Variants in MITF observed in about 807,000 individuals in gnomAD.
MITF encodes microphthalmia-associated transcription factor.
Under a neutral mutation model 60.5 loss-of-function variants are expected in MITF, and 17 were observed. That is an observed-to-expected ratio of 0.28 (90% confidence interval 0.19 to 0.42). The LOEUF (loss-of-function observed/expected upper bound fraction) is 0.42. MITF is among the 10% of genes least tolerant of loss of function. The pLI, the probability that MITF is intolerant of heterozygous loss-of-function variation, is 1.00. For synonymous variants in MITF, 260 were observed against 248.5 expected (o/e 1.05, Z -0.43); for missense variants, 622 against 683.5 (o/e 0.91, Z 1.00).
chr3:69,834,130 G>A (rs2063500769), intron 1 of MITF, among the ~76,000 whole-genome samples: 1 of 152,180 alleles, frequency 6.6e-6, no homozygotes, highest in Non-Finnish European at 1.5e-5. Flanking sequence ...TAACATATCT[G>A]TCATCTCATG....
chr3:69,932,149 T>C (rs1352527766), intron 2 of MITF, among the ~76,000 whole-genome samples: 3 of 152,202 alleles, frequency 2.0e-5, no homozygotes, highest in Non-Finnish European at 4.4e-5. Flanking sequence ...GGTGAAACTT[T>C]CCTAGAGAGC....
chr3:69,967,793 T>G lies in MITF; in HGVS notation c.*2545T>G. ...CCAAGAGGCAGTGGTTTGGGCTTGTTGTTTGTAACAAGAAAATGATCCACA... is the reference window on the plus strand; with the variant it reads ...CCAAGAGGCAGTGGTTTGGGCTTGTGGTTTGTAACAAGAAAATGATCCACA... On this transcript the variant is annotated 3_prime_UTR_variant, in exon 10 of 10. Transcript: ENST00000352241. 4.3e-6 allele frequency: 1 copy of G among 233,148 alleles called. No homozygotes were observed. The highest frequency in any genetic ancestry group is 6.0e-5 in the East Asian group (1 of 16,568). The allele number at this position is 233,148 out of a possible 1,614,324, so 14.4% of individuals were successfully genotyped here.
At chr3:69,793,437 T>C (rs185752195) in intron 1 of MITF, among the ~76,000 whole-genome samples, 2 of 113,968 alleles carry the variant, frequency 1.8e-5, no homozygotes, top group Admixed American at 1.9e-4. Flanking sequence ...CTCTTTGGTG[T>C]GAGTAGCTGT....
In MITF at chr3:69,950,627, G is replaced by GTATATATA. The variant is rs143648888; in HGVS notation, c.881-1171_881-1164dup. On this transcript the variant is annotated intron_variant, in intron 6 of 9. Coordinates refer to ENST00000352241, the MANE Select transcript of MITF (RefSeq NM_001354604.2). Reference sequence around the variant, plus strand: ...CCCATATAATAAATATATATGGTGTGTATATATATATATATATATATGCTT... The same window carrying GTATATATA: ...CCCATATAATAAATATATATGGTGTGTATATATATATATATATATATATATATATGCTT... 8.0e-3 allele frequency among the ~76,000 whole-genome samples: 1,100 copies of GTATATATA among 138,034 alleles called. 17 individuals carry two copies. Among genetic ancestry groups the GTATATATA allele is most frequent in the African/African-American group, 0.028 (1,028 of 37,284 alleles). 90.6% of individuals were successfully genotyped at this position (138,034 alleles called of 152,430 possible).
intron 2 of MITF, among the ~76,000 whole-genome samples, chr3:69,914,183 G>C (rs1025479969): frequency 1.3e-5 from 2 of 152,084 alleles, no homozygotes; most frequent in African/African-American, 4.8e-5. Context: ...GTACAATGGT[G>C]TGATCTTGGC....
intron 1 of MITF, among the ~76,000 whole-genome samples, chr3:69,793,537 C>T (rs2062778603): frequency 6.6e-6 from 1 of 152,096 alleles, no homozygotes; most frequent in South Asian, 2.1e-4. Context: ...TAGCATGCAC[C>T]CTCTCCCAAT....
At chr3:69,769,096 A>C (rs557592991) in intron 1 of MITF, among the ~76,000 whole-genome samples, 1 of 152,320 alleles carries the variant, frequency 6.6e-6, no homozygotes, top group South Asian at 2.1e-4. Flanking sequence ...GTGGGTAAGC[A>C]TGTAAGTCCT....
At position 69,843,276 on chromosome 3, in the gene MITF, C is replaced by T. The variant is rs148993106; in HGVS notation, c.105-35858C>T. ...GTTTGAGAAATCATTTCCAAAGTGT[C>T]AATATTGAAAGAAGGCGTGAGAAAT... On this transcript the variant is annotated intron_variant, in intron 1 of 9. Transcript: ENST00000352241. 8.0e-3 allele frequency among the ~76,000 whole-genome samples: 1,221 copies of T among 152,080 alleles called. 7 individuals are homozygous for T. The highest frequency in any genetic ancestry group is 0.013 in the Non-Finnish European group (891 of 67,994).
chr3:69,845,902 T>G (rs2063724217), intron 1 of MITF, among the ~76,000 whole-genome samples: 1 of 152,224 alleles, frequency 6.6e-6, no homozygotes, highest in African/African-American at 2.4e-5. Flanking sequence ...TGTGTGCATG[T>G]GTAGGTAAAA....
At chr3:69,757,529 T>G (rs1173827429) in intron 1 of MITF, among the ~76,000 whole-genome samples, 1 of 151,960 alleles carries the variant, frequency 6.6e-6, no homozygotes, top group Non-Finnish European at 1.5e-5. Flanking sequence ...TGGTCAGAAG[T>G]GGAATGGTGG....
intron 1 of MITF, chr3:69,763,869 G>C: frequency 1.5e-6 from 2 of 1,376,318 alleles, no homozygotes; most frequent in Non-Finnish European, 1.9e-6. Context: ...TACTTCAGTG[G>C]TTTTCCCACG....
chr3:69,954,837 T>C (rs2066356121), intron 7 of MITF, among the ~76,000 whole-genome samples: 1 of 152,136 alleles, frequency 6.6e-6, no homozygotes, highest in South Asian at 2.1e-4. Context: ...CAAAACAAAC[T>C]GCAATTTATA....
At chr3:69,842,803 T>C (rs1212858621) in intron 1 of MITF, among the ~76,000 whole-genome samples, 1 of 152,192 alleles carries the variant, frequency 6.6e-6, no homozygotes, top group Non-Finnish European at 1.5e-5. Context: ...AGGAGCCCAG[T>C]GTGGAACCCA....
chr3:69,920,286 C>T (rs1189517065), intron 2 of MITF, among the ~76,000 whole-genome samples: 2 of 152,180 alleles, frequency 1.3e-5, no homozygotes, highest in Non-Finnish European at 2.9e-5. Flanking sequence ...ACAACACCCA[C>T]TACTTAGCAG....
chr3:69,925,567 C>T (rs73838675), intron 2 of MITF, among the ~76,000 whole-genome samples: 2,650 of 152,290 alleles, frequency 0.017, 65 homozygotes, highest in African/African-American at 0.06. Flanking sequence ...CATGTTGATT[C>T]TCTTTATTAA....
intron 1 of MITF, among the ~76,000 whole-genome samples, chr3:69,829,413 A>G (rs1450425722): frequency 6.6e-6 from 1 of 152,174 alleles, no homozygotes; most frequent in Admixed American, 6.5e-5. Flanking sequence ...CCTTTAAGCC[A>G]TATCCCCTTA....
At chr3:69,951,956 A>C in intron 7 of MITF, 70 bp downstream of exon 7, 1 of 1,211,744 alleles carries the variant, frequency 8.3e-7, no homozygotes, top group Non-Finnish European at 1.2e-6. Context: ...ATGTTTCCAG[A>C]AATTCTGTAG....
chr3:69,870,380 GTA>G (rs1404857671), intron 1 of MITF, among the ~76,000 whole-genome samples: 4 of 147,726 alleles, frequency 2.7e-5, no homozygotes, highest in African/African-American at 9.9e-5. Flanking sequence ...ACGTGTGTGT[GTA>G]TATATATGTG....
At chr3:69,775,876 C>A (rs2062465658) in intron 1 of MITF, among the ~76,000 whole-genome samples, 1 of 152,124 alleles carries the variant, frequency 6.6e-6, no homozygotes. Flanking sequence ...AACTAAACTG[C>A]CCTAATTGTT....
Sources: gnomAD v4.1 joint callset for allele counts (sites outside exome capture counted in the v4.1 genomes callset) on GRCh38, gnomAD v4.1.1 for gene constraint, MANE v1.5 for transcripts, NCBI Gene and HGNC (gene_info 2026-07-23, HGNC 2026-07-21) for gene names.